The following LRRTM4 variants were observed in gnomAD, a reference collection of about 807,000 sequenced individuals.
LRRTM4 encodes leucine-rich repeat transmembrane neuronal protein 4.
Under a neutral mutation model 47.6 loss-of-function variants are expected in LRRTM4, and 25 were observed. The observed-to-expected ratio is 0.53, with a 90% CI of 0.38 to 0.73. The LOEUF (loss-of-function observed/expected upper bound fraction) is 0.73, where lower values mean the gene tolerates loss of function less well. Among genes scored for constraint, LRRTM4 ranks in the 30% least tolerant of loss-of-function variants. LRRTM4 has a pLI of 0.00. For synonymous variants in LRRTM4, 311 were observed against 269.5 expected, an observed-to-expected ratio of 1.15 and a Z score of -1.51; for missense variants, 638 against 713.4, an observed-to-expected ratio of 0.89 and a Z score of 1.20.
chr2:77,436,964 CA>C (rs1304977478), intron 3 of LRRTM4, among the ~76,000 whole-genome samples: 1 of 151,602 alleles, frequency 6.6e-6, no homozygotes, highest in African/African-American at 2.4e-5. Flanking sequence ...TATATATAAA[CA>C]AAAATATTAA....
At chr2:77,132,780 C>A (rs760379510) in intron 3 of LRRTM4, among the ~76,000 whole-genome samples, 1 of 152,188 alleles carries the variant, frequency 6.6e-6, no homozygotes, top group African/African-American at 2.4e-5. Flanking sequence ...TAATTTGGCT[C>A]TTAAGTTTTA....
intron 3 of LRRTM4, among the ~76,000 whole-genome samples, chr2:76,825,672 GC>G (rs1309243872): frequency 6.6e-6 from 1 of 151,606 alleles, no homozygotes; most frequent in Admixed American, 6.6e-5. Context: ...TAAGAAAAAG[GC>G]AGAGCTAAAA....
intron 3 of LRRTM4, among the ~76,000 whole-genome samples, chr2:77,087,878 A>C (rs1680777068): frequency 6.6e-6 from 1 of 152,362 alleles, no homozygotes; most frequent in Middle Eastern, 3.4e-3. Context: ...ACGTGTGTAG[A>C]AAATAAAGTA....
chr2:77,500,185 C>T (rs1342262829), intron 3 of LRRTM4, among the ~76,000 whole-genome samples: 1 of 151,692 alleles, frequency 6.6e-6, no homozygotes, highest in Admixed American at 6.6e-5. Flanking sequence ...CCAAATCACC[C>T]ACAGTAAGGC....
Position 77,374,106 on chromosome 2 carries a change from T to C in LRRTM4, c.1551+144212A>G, listed in dbSNP as rs1305597678. 2.0e-5 allele frequency among the ~76,000 whole-genome samples: 3 copies of C among 151,592 alleles called. No homozygotes were observed. The Admixed American group carries it at 2.0e-4, about 10-fold the overall frequency. ...CCTGTCTACCATTTCTACTGCTGCA[T>C]AAAAATAAAAAATTTCAGGAAGCTT... On this transcript the variant is annotated intron_variant, in intron 3 of 3. Transcript: ENST00000409884.
intron 3 of LRRTM4, among the ~76,000 whole-genome samples, chr2:76,817,508 T>C (rs1267819451): frequency 1.3e-5 from 2 of 151,944 alleles, no homozygotes; most frequent in Admixed American, 6.6e-5. Flanking sequence ...ACAAAAATAC[T>C]AGTTATTTTT....
chr2:77,242,828 T>C (rs901073321), intron 3 of LRRTM4, among the ~76,000 whole-genome samples: 1 of 152,124 alleles, frequency 6.6e-6, no homozygotes, highest in Non-Finnish European at 1.5e-5. Context: ...CTCAAAAATT[T>C]GAAAGTAGAA....
intron 3 of LRRTM4, among the ~76,000 whole-genome samples, chr2:76,974,179 TATACATAC>T (rs1156675341): frequency 1.7e-5 from 2 of 119,024 alleles, no homozygotes; most frequent in African/African-American, 7.7e-5. Flanking sequence ...CATACATATA[TATACATAC>T]ATATATATAC....
intron 3 of LRRTM4, among the ~76,000 whole-genome samples, chr2:77,192,424 TA>T (rs572180733): frequency 1.9e-4 from 29 of 151,122 alleles, no homozygotes; most frequent in African/African-American, 5.8e-4. Context: ...CTTCCTAATT[TA>T]AAAAAAAATT....
intron 3 of LRRTM4, among the ~76,000 whole-genome samples, chr2:77,413,345 GTT>G (rs1457481039): frequency 1.3e-5 from 2 of 152,108 alleles, no homozygotes; most frequent in African/African-American, 4.8e-5. Flanking sequence ...CTGAGTGTCG[GTT>G]TCATCATCAA....
Position 77,357,119 on chromosome 2 carries a change from T to C in LRRTM4, c.1551+161199A>G, listed in dbSNP as rs541469607. On this transcript the variant is annotated intron_variant, in intron 3 of 3. Coordinates refer to ENST00000409884, the MANE Select transcript of LRRTM4 (RefSeq NM_001134745.3). ...TTAAATTATGTCATGCCTGAGATAT[T>C]TTATTATGAGTAGTCATGACACTTA... Among the ~76,000 whole-genome samples the C allele has an allele frequency of 5.9e-5, 9 of 152,290 alleles. No individual in the cohort carries two copies. In the South Asian group the frequency reaches 1.7e-3, roughly 28 times the overall value.
At chr2:77,130,453 A>G (rs916224593) in intron 3 of LRRTM4, among the ~76,000 whole-genome samples, 21 of 152,158 alleles carry the variant, frequency 1.4e-4, no homozygotes, top group African/African-American at 4.8e-4. Context: ...AGAAATTTCC[A>G]TAGTAAAACT....
intron 3 of LRRTM4, among the ~76,000 whole-genome samples, chr2:77,296,600 G>A (rs1459402331): frequency 2.0e-5 from 3 of 151,960 alleles, no homozygotes; most frequent in East Asian, 1.9e-4. Context: ...TATATAAAAG[G>A]CATACATTTA....
intron 3 of LRRTM4, among the ~76,000 whole-genome samples, chr2:77,287,203 T>C (rs1346475860): frequency 6.6e-6 from 1 of 151,882 alleles, no homozygotes; most frequent in Admixed American, 6.6e-5. Flanking sequence ...AGGAGGGGTA[T>C]AATGGAAATT....
chr2:76,966,982 T>C lies in LRRTM4; in HGVS notation c.1552-218066A>G, dbSNP rs575252381. Among the ~76,000 whole-genome samples, 28 of 151,618 alleles carry C rather than the reference T, an allele frequency of 1.8e-4. No individual in the cohort carries two copies. In the South Asian group the frequency reaches 5.6e-3, roughly 30 times the overall value. On this transcript the variant is annotated intron_variant, in intron 3 of 3. Transcript: ENST00000409884. Reference sequence around the variant, plus strand: ...ATATTTTCTTGTATAATAGTATTACTATATTTTTAGCTTTTAAAACTGCCA... The same window carrying C: ...ATATTTTCTTGTATAATAGTATTACCATATTTTTAGCTTTTAAAACTGCCA...
chr2:77,044,329 T>C (rs1679156460), intron 3 of LRRTM4, among the ~76,000 whole-genome samples: 1 of 151,750 alleles, frequency 6.6e-6, no homozygotes, highest in Non-Finnish European at 1.5e-5. Flanking sequence ...CTGTCAAATA[T>C]GGTACTTGGA....
At chr2:77,452,621 G>A (rs569593786) in intron 3 of LRRTM4, among the ~76,000 whole-genome samples, 159 of 152,254 alleles carry the variant, frequency 1.0e-3, no homozygotes, top group African/African-American at 3.5e-3. Context: ...GAAGGATCCC[G>A]CACTTGGTTT....
chr2:77,345,675 T>C lies in LRRTM4; in HGVS notation c.1551+172643A>G, dbSNP rs146408370. On this transcript the variant is annotated intron_variant, in intron 3 of 3. Transcript: ENST00000409884. ...ACTTGCTGGTAAGAATTTCCAGCAA[T>C]TGCAACCCTCATGCATTGCAGGTGG... Among the ~76,000 whole-genome samples, 374 of 152,080 alleles carry C rather than the reference T, an allele frequency of 2.5e-3. 2 individuals are homozygous for C. Among genetic ancestry groups the C allele is most frequent in the African/African-American group, 8.7e-3 (360 of 41,518 alleles).
intron 3 of LRRTM4, among the ~76,000 whole-genome samples, chr2:76,929,464 G>A (rs748942911): frequency 2.4e-4 from 36 of 152,264 alleles, no homozygotes; most frequent in Middle Eastern, 3.4e-3. Context: ...TCCACCCATC[G>A]GAGTTGGGTT....
Sources: allele counts gnomAD v4.1 joint callset (sites outside exome capture counted in the v4.1 genomes callset), GRCh38; gene constraint gnomAD v4.1.1; transcripts MANE v1.5; gene names NCBI Gene and HGNC (gene_info 2026-07-23, HGNC 2026-07-21).